The following TULP4 variants were observed in gnomAD, a reference collection of about 807,000 sequenced individuals.
The protein encoded by TULP4 is tubby-related protein 4.
TULP4 carries 16 observed loss-of-function variants against 129.0 expected under a neutral mutation model. The ratio of observed to expected loss-of-function variants is 0.12; its 90% CI spans 0.08 to 0.19. The LOEUF (loss-of-function observed/expected upper bound fraction) is 0.19, where lower values mean the gene tolerates loss of function less well. Ranked by LOEUF, TULP4 falls within the 10% of genes least tolerant of loss-of-function variation. The pLI is 1.00. For missense variants in TULP4, 1,842 were observed against 2,059.1 expected, an observed-to-expected ratio of 0.89 and a Z score of 2.04; for synonymous variants, 998 against 854.0, an observed-to-expected ratio of 1.17 and a Z score of -2.94.
At chr6:158,237,733 A>G (rs188714618) in intron 1 of TULP4, 1 of 875,774 alleles carries the variant, frequency 1.1e-6, no homozygotes, top group Non-Finnish European at 2.0e-6. Context: ...ATCTCTAGTA[A>G]CTTTTCCACC....
intron 10 of TULP4, 79 bp from the exon 11 acceptor site, chr6:158,494,674 T>C (rs900740731): frequency 1.6e-5 from 21 of 1,327,512 alleles, no homozygotes; most frequent in Admixed American, 7.4e-5. Context: ...GTAATAAATA[T>C]TAACATTCTT....
At chr6:158,482,288 C>G (rs1779965003) in intron 8 of TULP4, among the ~76,000 whole-genome samples, 1 of 152,228 alleles carries the variant, frequency 6.6e-6, no homozygotes, top group Non-Finnish European at 1.5e-5. Context: ...GGCTTGCTCA[C>G]TCTCAACTTG....
At chr6:158,281,263 G>T (rs1778746981), upstream of TULP4, among the ~76,000 whole-genome samples, 1 of 151,030 alleles carries the variant, frequency 6.6e-6, no homozygotes, top group Non-Finnish European at 1.5e-5. Flanking sequence ...GCCCAGGCTG[G>T]AGTGCAGTGG....
At chr6:158,401,463 C>CTG (rs1311958518) in intron 1 of TULP4, among the ~76,000 whole-genome samples, 17 of 152,200 alleles carry the variant, frequency 1.1e-4, no homozygotes, top group Non-Finnish European at 1.9e-4. Flanking sequence ...TTGCTTTTAT[C>CTG]TGTGGAACAT....
At chr6:158,462,201 C>A (rs181206050) in intron 6 of TULP4, among the ~76,000 whole-genome samples, 103 of 152,184 alleles carry the variant, frequency 6.8e-4, no homozygotes, top group African/African-American at 2.4e-3. Flanking sequence ...TCAAAACATT[C>A]TCTTAGACTA....
intron 6 of TULP4, among the ~76,000 whole-genome samples, chr6:158,478,933 A>T (rs1337727213): frequency 6.6e-6 from 1 of 152,094 alleles, no homozygotes; most frequent in Non-Finnish European, 1.5e-5. Context: ...CTTTCCAGGG[A>T]GCTTTCTTTC....
intron 1 of TULP4, among the ~76,000 whole-genome samples, chr6:158,297,847 G>A (rs1779060027): frequency 6.6e-6 from 1 of 152,112 alleles, no homozygotes; most frequent in South Asian, 2.1e-4. Flanking sequence ...CAGAGAACTG[G>A]TCTGACCACA....
At chr6:158,279,950 C>T (rs9459904), upstream of TULP4, among the ~76,000 whole-genome samples, 26,274 of 152,150 alleles carry the variant, frequency 0.17, 2,705 homozygotes, top group Middle Eastern at 0.24. Context: ...TTCTTTACGG[C>T]GCGGCTAAAC....
At chr6:158,269,380 TAAA>T (rs10583634) in intron 1 of TULP4, among the ~76,000 whole-genome samples, 8,621 of 131,026 alleles carry the variant, frequency 0.066, 339 homozygotes, top group African/African-American at 0.12. Context: ...TCAGCATTTG[TAAA>T]AAAAAAAAAA....
chr6:158,403,475 G>GC (rs1777900015), intron 1 of TULP4, among the ~76,000 whole-genome samples: 2 of 152,298 alleles, frequency 1.3e-5, no homozygotes, highest in South Asian at 4.1e-4. Context: ...GAGTAGCTGG[G>GC]ATTACAGGCA....
chr6:158,270,117 A>G (rs1778520141), intron 1 of TULP4, among the ~76,000 whole-genome samples: 1 of 152,256 alleles, frequency 6.6e-6, no homozygotes, highest in African/African-American at 2.4e-5. Context: ...CTATCCAGGC[A>G]GTATAATTAG....
At chr6:158,378,191 C>T (rs753377673) in intron 1 of TULP4, among the ~76,000 whole-genome samples, 6 of 152,120 alleles carry the variant, frequency 3.9e-5, no homozygotes, top group Non-Finnish European at 7.4e-5. Context: ...TGCAGCATTC[C>T]GTTGGCCAAA....
chr6:158,251,821 C>T (rs1167882226), intron 1 of TULP4, among the ~76,000 whole-genome samples: 1 of 152,210 alleles, frequency 6.6e-6, no homozygotes, highest in Non-Finnish European at 1.5e-5. Flanking sequence ...TCAGGACCCC[C>T]ACTTCTGGTT....
At chr6:158,450,108 C>T (rs556362734) in intron 4 of TULP4, among the ~76,000 whole-genome samples, 6 of 152,238 alleles carry the variant, frequency 3.9e-5, no homozygotes, top group African/African-American at 1.2e-4. Flanking sequence ...GTATGGAACA[C>T]TAGAATTTAG....
chr6:158,314,347 A>T, intron 1 of TULP4, 79 bp downstream of exon 1: 1 of 1,526,550 alleles, frequency 6.6e-7, no homozygotes, highest in African/African-American at 1.4e-5. Context: ...AACTTCCTTC[A>T]TTTCAGTTTC....
chr6:158,461,840 G>A, intron 6 of TULP4, 111 bp downstream of exon 6: 11 of 1,294,012 alleles, frequency 8.5e-6, no homozygotes, highest in Non-Finnish European at 1.0e-5. Flanking sequence ...TTAGGTTGTG[G>A]TGGGTAAACC....
At chr6:158,285,652 T>C (rs1778822413) in intron 1 of TULP4, among the ~76,000 whole-genome samples, 1 of 152,198 alleles carries the variant, frequency 6.6e-6, no homozygotes, top group Admixed American at 6.5e-5. Flanking sequence ...TGTAAGCACA[T>C]GTATTAGGAT....
chr6:158,307,863 A>G (rs1321601606), upstream of TULP4, among the ~76,000 whole-genome samples: 1 of 152,138 alleles, frequency 6.6e-6, no homozygotes, highest in Admixed American at 6.6e-5. Flanking sequence ...ATAATGAAAT[A>G]TGGGATAAAA....
chr6:158,356,642 G>A (rs544335645), intron 1 of TULP4, among the ~76,000 whole-genome samples: 2 of 152,244 alleles, frequency 1.3e-5, no homozygotes, highest in South Asian at 2.1e-4. Context: ...TCTTAACAAC[G>A]TCAGGATCCT....
Sources: gnomAD v4.1 joint callset for allele counts (sites outside exome capture counted in the v4.1 genomes callset) on GRCh38, gnomAD v4.1.1 for gene constraint, MANE v1.5 for transcripts, NCBI Gene and HGNC (gene_info 2026-07-23, HGNC 2026-07-21) for gene names.